TTC7B: variants seen among roughly 807,000 people sequenced by gnomAD.
The protein encoded by TTC7B is tetratricopeptide repeat domain 7B, also known as tetratricopeptide repeat protein 7B.
In TTC7B, 28 loss-of-function variants were observed where a neutral mutation model predicts 106.8. That is an observed-to-expected ratio of 0.26 (90% CI 0.19 to 0.36). TTC7B has a LOEUF of 0.36. TTC7B is among the 10% of genes least tolerant of loss of function. The probability of loss-of-function intolerance (pLI) is 1.00; values close to 1 mark genes in which losing one functional copy is unlikely to be tolerated. For synonymous variants in TTC7B, 405 were observed against 430.6 expected (o/e 0.94, Z 0.74); for missense variants, 862 against 1,076.4 (o/e 0.80, Z 2.79).
At chr14:90,573,563 C>T (rs188268159) in intron 19 of TTC7B, among the ~76,000 whole-genome samples, 2 of 137,514 alleles carry the variant, frequency 1.5e-5, no homozygotes, top group East Asian at 2.0e-4. Flanking sequence ...GCTCACGGTC[C>T]CTCTCCGGCT....
Position 90,657,431 on chromosome 14 carries a change from C to T in TTC7B, c.1237-153G>A, listed in dbSNP as rs1885997402. The T allele has an allele frequency of 3.2e-6, 2 of 622,808 alleles. No homozygotes were observed. The highest frequency in any genetic ancestry group is 5.5e-6 in the Non-Finnish European group (2 of 363,372). The allele number at this position is 622,808 out of a possible 1,614,324, so 38.6% of individuals were successfully genotyped here. On this transcript the variant is annotated intron_variant, in intron 10 of 19. Transcript: ENST00000328459. The surrounding 1 kb of genome is among the most constrained non-coding windows in gnomAD (Gnocchi z 4.2). The stretch of plus-strand genomic sequence containing the variant: ...AGCGGGGGCCTGAGGTGCATGAAAA[C>T]CAGAGCCTGCGGCTTCTGAGTGACT...
chr14:90,719,359 A>G lies in TTC7B; in HGVS notation c.698+10716T>C, dbSNP rs145153738. On this transcript the variant is annotated intron_variant, in intron 5 of 19. Transcript: ENST00000328459. Reference sequence around the variant, plus strand: ...AGAAAGCCTAAAAAGATAAAATGTCAATTATGTTACTAGGCAACACTTCCT... The same window carrying G: ...AGAAAGCCTAAAAAGATAAAATGTCGATTATGTTACTAGGCAACACTTCCT... Among the ~76,000 whole-genome samples, 527 of 152,350 alleles carry G rather than the reference A, an allele frequency of 3.5e-3. 3 individuals are homozygous for G. Among genetic ancestry groups the G allele is most frequent in the African/African-American group, 0.011 (478 of 41,578 alleles).
intron 9 of TTC7B, among the ~76,000 whole-genome samples, chr14:90,658,657 C>T (rs907255397): frequency 1.3e-5 from 2 of 152,184 alleles, no homozygotes; most frequent in African/African-American, 4.8e-5. Context: ...GGAAAAGAGG[C>T]AAATACACCA....
At chr14:90,627,852 A>C (rs796563955) in intron 15 of TTC7B, among the ~76,000 whole-genome samples, 2 of 152,286 alleles carry the variant, frequency 1.3e-5, no homozygotes, top group African/African-American at 4.8e-5. Context: ...TCAGCTATTA[A>C]TCTCCACTCA....
At chr14:90,810,122 C>T (rs2030817285) in intron 1 of TTC7B, among the ~76,000 whole-genome samples, 1 of 152,216 alleles carries the variant, frequency 6.6e-6, no homozygotes, top group African/African-American at 2.4e-5. Context: ...GAAACCTCAA[C>T]TGAACCCATG....
intron 19 of TTC7B, among the ~76,000 whole-genome samples, chr14:90,563,699 T>C (rs1443788309): frequency 1.3e-5 from 2 of 152,262 alleles, no homozygotes; most frequent in African/African-American, 4.8e-5. Context: ...GCAGAACTTC[T>C]TTCAAAGTTG....
At chr14:90,633,951 T>C (rs8008687) in intron 15 of TTC7B, among the ~76,000 whole-genome samples, 23,052 of 151,886 alleles carry the variant, frequency 0.15, 1,846 homozygotes, top group East Asian at 0.21. Flanking sequence ...CTCAGCTCAT[T>C]GCAACCTCCG....
In TTC7B at chr14:90,622,146, C is replaced by T. The variant is rs572585400; in HGVS notation, c.1752-4101G>A. 1.2e-3 allele frequency among the ~76,000 whole-genome samples: 174 copies of T among 148,772 alleles called. 1 individual carries two copies. Among genetic ancestry groups the T allele is most frequent in the Middle Eastern group, 6.8e-3 (2 of 292 alleles). ...TTTTTTTTTTTTTTTGAGACAGAGT[C>T]CCACTCTGTTGCCCAGGCTGGAGTG... On this transcript the variant is annotated intron_variant, in intron 15 of 19. Coordinates refer to ENST00000328459, the MANE Select transcript of TTC7B (RefSeq NM_001010854.2).
chr14:90,603,153 A>G, intron 17 of TTC7B: 1 of 807,914 alleles, frequency 1.2e-6, no homozygotes, highest in East Asian at 6.4e-5. Context: ...ACGTCATCTC[A>G]GCATTCTCAG....
intron 3 of TTC7B, among the ~76,000 whole-genome samples, chr14:90,777,991 G>T (rs1475151580): frequency 6.6e-6 from 1 of 152,184 alleles, no homozygotes; most frequent in Non-Finnish European, 1.5e-5. Context: ...GCAGAGAGAG[G>T]CTAAGGAACT....
intron 19 of TTC7B, among the ~76,000 whole-genome samples, chr14:90,556,724 C>T (rs1890323752): frequency 6.6e-6 from 1 of 152,150 alleles, no homozygotes; most frequent in South Asian, 2.1e-4. Context: ...AGTGCCCCTG[C>T]ACTTTGGGGA....
intron 19 of TTC7B, among the ~76,000 whole-genome samples, chr14:90,546,319 A>C (rs1051869636): frequency 6.6e-5 from 10 of 152,162 alleles, no homozygotes; most frequent in African/African-American, 2.2e-4. Flanking sequence ...GCTCTTCTGC[A>C]CTGCAGCCCT....
Position 90,742,298 on chromosome 14 carries a change from TC to T in TTC7B, c.576+2493del, listed in dbSNP as rs1389577015. ...CTCTCTCTCTCCTTCCCTCCCTTCC[TC>T]CCTCCCTCCTTTCTCTTTCTCTTTC... On this transcript the variant is annotated intron_variant, in intron 4 of 19. Coordinates refer to ENST00000328459, the MANE Select transcript of TTC7B (RefSeq NM_001010854.2). The surrounding 1 kb of genome is among the most constrained non-coding windows in gnomAD (Gnocchi z 4.1). Among the ~76,000 whole-genome samples the T allele has an allele frequency of 2.0e-5, 3 of 151,296 alleles. No homozygotes were observed. The highest frequency in any genetic ancestry group is 4.2e-4 in the South Asian group (2 of 4,742).
chr14:90,689,042 A>T (rs1235375263), intron 7 of TTC7B, among the ~76,000 whole-genome samples: 2 of 152,208 alleles, frequency 1.3e-5, no homozygotes, highest in African/African-American at 2.4e-5. Flanking sequence ...AACTTAAAAA[A>T]GATAAAGAAG....
rs1435811981 is a variant in TTC7B at position 90,742,057 on chromosome 14, T to G, written c.576+2735A>C. Among the ~76,000 whole-genome samples, 1 of 152,100 alleles carries G rather than the reference T, an allele frequency of 6.6e-6. No homozygotes were observed. Among genetic ancestry groups the G allele is most frequent in the Non-Finnish European group, 1.5e-5 (1 of 68,014 alleles). ...CTACCAAAAGCTAAAGCTTACTTGGTCAAATAAAACATATTTATTGACTTT... is the reference window on the plus strand; with the variant it reads ...CTACCAAAAGCTAAAGCTTACTTGGGCAAATAAAACATATTTATTGACTTT... On this transcript the variant is annotated intron_variant, in intron 4 of 19. Transcript: ENST00000328459. The surrounding 1 kb of genome is among the most constrained non-coding windows in gnomAD (Gnocchi z 4.1).
At chr14:90,558,894 G>C (rs1289041074) in intron 19 of TTC7B, among the ~76,000 whole-genome samples, 23 of 152,132 alleles carry the variant, frequency 1.5e-4, no homozygotes, top group African/African-American at 4.8e-5. Context: ...GGCTGGAGCA[G>C]AGGTGACAGC....
intron 5 of TTC7B, among the ~76,000 whole-genome samples, chr14:90,700,665 A>G (rs1042546830): frequency 1.4e-5 from 2 of 146,734 alleles, no homozygotes; most frequent in African/African-American, 5.0e-5. Context: ...TCCCATCATC[A>G]TATACGTATA....
At chr14:90,739,454 C>T (rs1298145073) in intron 4 of TTC7B, among the ~76,000 whole-genome samples, 3 of 152,210 alleles carry the variant, frequency 2.0e-5, no homozygotes, top group Non-Finnish European at 4.4e-5. Context: ...CCGGCAGTAA[C>T]CTGCATCTAA....
In TTC7B at chr14:90,793,613, C is replaced by CT. The variant is rs142431278; in HGVS notation, c.122-7286dup. On this transcript the variant is annotated intron_variant, in intron 1 of 19. Transcript: ENST00000328459. Reference sequence around the variant, plus strand: ...TGTTTGTTTGTTTTTTTCTTTTTTTCTTTTTTTTTTTTGAGATGGAGTTTT... The same window carrying CT: ...TGTTTGTTTGTTTTTTTCTTTTTTTCTTTTTTTTTTTTTGAGATGGAGTTTT... Among the ~76,000 whole-genome samples the CT allele has an allele frequency of 8.2e-3, 1,119 of 135,674 alleles. 19 individuals carry two copies. The highest frequency in any genetic ancestry group is 0.029 in the African/African-American group (1,058 of 37,052). The allele number at this position is 135,674 out of a possible 152,430, so 89.0% of individuals were successfully genotyped here. A position where few individuals can be genotyped will look rare whatever the true frequency, so the allele number is the denominator to read the frequency against.
Sources: allele counts gnomAD v4.1 joint callset (sites outside exome capture counted in the v4.1 genomes callset), GRCh38; gene constraint gnomAD v4.1.1; non-coding constraint Gnocchi (gnomAD v3.1); transcripts MANE v1.5; gene names NCBI Gene and HGNC (gene_info 2026-07-23, HGNC 2026-07-21).